The following RBFOX1 variants were observed in gnomAD, a reference collection of about 807,000 sequenced individuals.
The protein encoded by RBFOX1 is RNA binding fox-1 homolog 1, also known as RNA binding protein fox-1 homolog 1.
Under a neutral mutation model 57.7 loss-of-function variants are expected in RBFOX1, and 8 were observed. That is an observed-to-expected ratio of 0.14 (90% CI 0.08 to 0.25). RBFOX1 has a LOEUF of 0.25. RBFOX1 is among the 10% of genes least tolerant of loss of function. The pLI, the probability that RBFOX1 is intolerant of heterozygous loss-of-function variation, is 1.00. For missense variants in RBFOX1, 611 were observed against 548.5 expected (o/e 1.11, Z -1.14); for synonymous variants, 326 against 222.4 (o/e 1.47, Z -4.15).
intron 4 of RBFOX1, among the ~76,000 whole-genome samples, chr16:5,914,361 C>G (rs116495574): frequency 0.012 from 1,803 of 152,294 alleles, 36 homozygotes; most frequent in African/African-American, 0.041. Context: ...TGCAGGATCT[C>G]TCATGAGTTT....
intron 2 of RBFOX1, among the ~76,000 whole-genome samples, chr16:6,491,440 A>G (rs1158923292): frequency 2.0e-5 from 3 of 152,168 alleles, no homozygotes; most frequent in Non-Finnish European, 4.4e-5. Context: ...AAATTTTCTT[A>G]GGAATCTAAA....
At chr16:5,283,352 A>T (rs2063317753) in intron 1 of RBFOX1, among the ~76,000 whole-genome samples, 1 of 152,114 alleles carries the variant, frequency 6.6e-6, no homozygotes, top group Non-Finnish European at 1.5e-5. Flanking sequence ...GAGCTGTGAG[A>T]AGAGGGCCAC....
At chr16:7,004,382 T>C (rs1195234319) in intron 3 of RBFOX1, among the ~76,000 whole-genome samples, 1 of 152,190 alleles carries the variant, frequency 6.6e-6, no homozygotes, top group Admixed American at 6.5e-5. Flanking sequence ...TCAGATTCTT[T>C]GTCCACCGGT....
chr16:6,564,884 T>C (rs1567701223), intron 2 of RBFOX1, among the ~76,000 whole-genome samples: 1 of 152,178 alleles, frequency 6.6e-6, no homozygotes, highest in Non-Finnish European at 1.5e-5. Context: ...CTCATGTCTG[T>C]AATCCCAGCA....
At chr16:6,026,265 A>G (rs1181678936) in intron 1 of RBFOX1, among the ~76,000 whole-genome samples, 2 of 152,344 alleles carry the variant, frequency 1.3e-5, no homozygotes, top group East Asian at 3.9e-4. Context: ...TCTCCTTAGC[A>G]TCTAGCGTGG....
intron 4 of RBFOX1, among the ~76,000 whole-genome samples, chr16:7,333,897 T>G (rs538943057): frequency 6.6e-6 from 1 of 152,040 alleles, no homozygotes; most frequent in African/African-American, 2.4e-5. Flanking sequence ...AAATCCAAGG[T>G]GGCTTTTTGT....
At chr16:5,446,554 T>G (rs1481902197) in intron 1 of RBFOX1, among the ~76,000 whole-genome samples, 1 of 152,140 alleles carries the variant, frequency 6.6e-6, no homozygotes, top group Non-Finnish European at 1.5e-5. Context: ...CTCTTCCTCC[T>G]CCTCCTGTTT....
intron 2 of RBFOX1, among the ~76,000 whole-genome samples, chr16:6,618,681 G>C (rs1275755347): frequency 6.6e-6 from 1 of 152,186 alleles, no homozygotes; most frequent in Admixed American, 6.5e-5. Context: ...TCACTTTAAT[G>C]TGATGTGTTG....
intron 3 of RBFOX1, among the ~76,000 whole-genome samples, chr16:6,898,944 T>G (rs1422361086): frequency 6.6e-6 from 1 of 151,902 alleles, no homozygotes; most frequent in African/African-American, 2.4e-5. Context: ...TGTGTGTATA[T>G]GTGTATAATA....
intron 4 of RBFOX1, among the ~76,000 whole-genome samples, chr16:7,189,554 A>AAC (rs779531861): frequency 0.096 from 12,988 of 135,780 alleles, 646 homozygotes; most frequent in Non-Finnish European, 0.12. Context: ...TGTCCCCCAA[A>AAC]ACACACACAC....
chr16:6,014,184 C>G (rs1005403431), upstream of RBFOX1, among the ~76,000 whole-genome samples: 28 of 152,144 alleles, frequency 1.8e-4, no homozygotes, highest in African/African-American at 6.0e-4. Context: ...ATGATACAAT[C>G]AAAGAGCTTA....
chr16:6,112,616 A>G (rs1463932276), intron 1 of RBFOX1, among the ~76,000 whole-genome samples: 5 of 152,174 alleles, frequency 3.3e-5, no homozygotes, highest in Non-Finnish European at 7.3e-5. Flanking sequence ...GTTTGAACCC[A>G]GGAGCCGGAG....
At chr16:5,546,153 A>G (rs78824738) in intron 2 of RBFOX1, among the ~76,000 whole-genome samples, 7,685 of 152,316 alleles carry the variant, frequency 0.05, 210 homozygotes, top group East Asian at 0.1. Flanking sequence ...ATTACAATAT[A>G]TTAATAAGAC....
intron 3 of RBFOX1, among the ~76,000 whole-genome samples, chr16:6,892,952 C>G (rs1256604062): frequency 1.3e-5 from 2 of 152,140 alleles, no homozygotes; most frequent in Non-Finnish European, 2.9e-5. Context: ...GGCTCCTGCT[C>G]TGCTTTTGCC....
intron 3 of RBFOX1, among the ~76,000 whole-genome samples, chr16:5,712,103 G>A (rs1329811641): frequency 1.3e-5 from 2 of 152,178 alleles, no homozygotes; most frequent in Non-Finnish European, 2.9e-5. Context: ...GAGGAGCCCT[G>A]TATAAAACCA....
chr16:7,249,824 A>C (rs541109358), intron 4 of RBFOX1, among the ~76,000 whole-genome samples: 1 of 152,298 alleles, frequency 6.6e-6, no homozygotes, highest in Admixed American at 6.5e-5. Flanking sequence ...CAGTTCCTAC[A>C]AGTGGAAATA....
intron 1 of RBFOX1, among the ~76,000 whole-genome samples, chr16:5,269,739 T>C (rs947304094): frequency 5.9e-5 from 9 of 152,252 alleles, no homozygotes; most frequent in African/African-American, 2.2e-4. Context: ...TGATGAAATG[T>C]TCTAAAATTG....
At chr16:6,883,411 C>G (rs926037265) in intron 3 of RBFOX1, among the ~76,000 whole-genome samples, 6 of 152,180 alleles carry the variant, frequency 3.9e-5, no homozygotes, top group African/African-American at 1.4e-4. Flanking sequence ...ATCCAATCAA[C>G]TTAATTAATG....
chr16:6,403,286 A>G (rs1328510414), intron 2 of RBFOX1, among the ~76,000 whole-genome samples: 1 of 152,158 alleles, frequency 6.6e-6, no homozygotes, highest in African/African-American at 2.4e-5. Flanking sequence ...AGCTGTCTAA[A>G]CCAGACCTGC....
Sources: allele counts gnomAD v4.1 joint callset (sites outside exome capture counted in the v4.1 genomes callset), GRCh38; gene constraint gnomAD v4.1.1; transcripts MANE v1.5; gene names NCBI Gene and HGNC (gene_info 2026-07-23, HGNC 2026-07-21).